RGSL1: variants seen among roughly 807,000 people sequenced by gnomAD.
RGSL1 encodes the protein regulator of G protein signaling like 1, also known as regulator of G protein signaling protein-like.
Under a neutral mutation model 124.7 loss-of-function variants are expected in RGSL1, and 97 were observed. The observed-to-expected ratio is 0.78, with a 90% CI of 0.66 to 0.92. The LOEUF is 0.92. Ranked by LOEUF, RGSL1 falls within the 40% of genes least tolerant of loss-of-function variation. The pLI, the probability that RGSL1 is intolerant of heterozygous loss-of-function variation, is 0.00. For missense variants in RGSL1, 1,233 were observed against 1,288.4 expected (o/e 0.96, Z 0.66); for synonymous variants, 424 against 438.1 (o/e 0.97, Z 0.40).
intron 9 of RGSL1, among the ~76,000 whole-genome samples, chr1:182,500,004 G>A (rs546574810): frequency 5.9e-5 from 9 of 152,220 alleles, no homozygotes; most frequent in Non-Finnish European, 8.8e-5. Context: ...ATGCACAAAA[G>A]TTTTCAATTT....
Position 182,486,457 on chromosome 1 carries a change from C to T in RGSL1, c.1432-1828C>T, listed in dbSNP as rs986693584. On this transcript the variant is annotated intron_variant, in intron 6 of 21. Transcript: ENST00000294854. ...CCCCAGTAGCTAATTTGTGGTACTC[C>T]CTGTGGGTGGCATGCGCCTCCCATA... is the stretch of plus-strand genomic sequence containing the variant. Among the ~76,000 whole-genome samples, 4 of 151,686 alleles carry T rather than the reference C, an allele frequency of 2.6e-5. No homozygotes were observed. In the East Asian group the frequency reaches 7.8e-4, roughly 30 times the overall value.
Position 182,473,697 on chromosome 1 carries a change from A to G in RGSL1, c.586A>G (p.Thr196Ala), listed in dbSNP as rs1558260808. 1 of 1,551,508 alleles carries G rather than the reference A, an allele frequency of 6.4e-7. No homozygotes were observed. The highest frequency in any genetic ancestry group is 2.4e-5 in the East Asian group (1 of 40,818). The stretch of plus-strand genomic sequence containing the variant: ...GAGCTATTGGCTTCCCAACTTTTAC[A>G]CCCACACCAAGATGACCATGGCCAA... Reference protein sequence around the residue: ...LQSYWLPNFYTHTKMTMAKEE... With the variant: ...LQSYWLPNFYAHTKMTMAKEE... Residue 196 changes from threonine (T) to alanine (A), a missense_variant, in exon 6 of 22, where the codon ACC becomes GCC. Thr to Ala is a moderately conservative substitution (Grantham distance 58, BLOSUM62 0). Transcript: ENST00000294854.
intron 15 of RGSL1, among the ~76,000 whole-genome samples, chr1:182,546,550 C>T (rs150508914): frequency 8.2e-4 from 125 of 152,168 alleles, no homozygotes; most frequent in African/African-American, 2.7e-3. Context: ...CATGCCACCA[C>T]GCCCAGCTAA....
chr1:182,518,080 C>T (rs538445505), intron 9 of RGSL1, among the ~76,000 whole-genome samples: 1 of 152,206 alleles, frequency 6.6e-6, no homozygotes, highest in South Asian at 2.1e-4. Context: ...TGCTCTGTCA[C>T]CCAGACTAGA....
chr1:182,450,688 T>C (rs1356156619), intron 1 of RGSL1: 1 of 177,854 alleles, frequency 5.6e-6, no homozygotes, highest in Non-Finnish European at 1.2e-5. Flanking sequence ...AGCCCTAGCA[T>C]AGTCAGGCCC....
chr1:182,458,451 T>G (rs1413457502), intron 3 of RGSL1, 58 bp downstream of exon 3: 1 of 1,347,292 alleles, frequency 7.4e-7, no homozygotes, highest in Non-Finnish European at 1.0e-6. Flanking sequence ...GAACTATAAT[T>G]GTTTTTTGTT....
rs1449531285 is a variant in RGSL1 at position 182,530,140 on chromosome 1, G to A, written c.2126-104G>A. On this transcript the variant is annotated intron_variant, in intron 11 of 21. Transcript: ENST00000294854. ...TCAGAGTCTAGCCAGATTGAAAATG[G>A]GGGCTGTGAGACTCTAAGATAAAAA... The A allele has an allele frequency of 9.5e-6, 7 of 733,876 alleles. No individual in the cohort carries two copies. The African/African-American group carries it at 1.3e-4, about 13-fold the overall frequency. The allele number at this position is 733,876 out of a possible 1,614,324, so 45.5% of individuals were successfully genotyped here.
chr1:182,551,056 C>T, intron 17 of RGSL1, 44 bp from the exon 18 acceptor site: 1 of 1,363,998 alleles, frequency 7.3e-7, no homozygotes. Context: ...CAGCCCCCTC[C>T]ACTGGGGGTT....
rs192461912 is a variant in RGSL1, at chr1:182,493,690, T to C, written c.1825+561T>C. 4.0e-3 allele frequency among the ~76,000 whole-genome samples: 609 copies of C among 152,326 alleles called. 2 individuals are homozygous for C. The highest frequency in any genetic ancestry group is 7.0e-3 in the Non-Finnish European group (473 of 68,020). On this transcript the variant is annotated intron_variant, in intron 9 of 21. Coordinates refer to ENST00000294854, the MANE Select transcript of RGSL1 (RefSeq NM_001137669.2). ...GATCCACGGGAGATGTGAATGCCCC[T>C]GTGAAGGATATAACCTAGGGTTTAT...
chr1:182,485,955 T>C (rs1655065377), intron 6 of RGSL1, among the ~76,000 whole-genome samples: 1 of 152,204 alleles, frequency 6.6e-6, no homozygotes. Flanking sequence ...AACTACATAG[T>C]TGAGTACTTG....
intron 6 of RGSL1, among the ~76,000 whole-genome samples, chr1:182,484,939 C>G (rs1363790966): frequency 1.3e-5 from 2 of 152,124 alleles, no homozygotes; most frequent in Non-Finnish European, 2.9e-5. Flanking sequence ...CTGCTTGCCC[C>G]TGGAGCAAGA....
intron 4 of RGSL1, among the ~76,000 whole-genome samples, chr1:182,462,086 A>T (rs183596026): frequency 2.0e-4 from 31 of 152,234 alleles, no homozygotes; most frequent in Non-Finnish European, 4.0e-4. Context: ...AATGCCAAAG[A>T]CAGAGAGAGA....
chr1:182,555,632 T>G, intron 20 of RGSL1: 1 of 202,228 alleles, frequency 4.9e-6, no homozygotes, highest in Non-Finnish European at 1.0e-5. Context: ...TGCCAAAGAG[T>G]TATTTGAAGG....
chr1:182,472,153 GT>G, intron 4 of RGSL1, among the ~76,000 whole-genome samples: 1 of 151,986 alleles, frequency 6.6e-6, no homozygotes, highest in Non-Finnish European at 1.5e-5. Flanking sequence ...TCCAGTGATG[GT>G]TTTTCTAACA....
intron 14 of RGSL1, among the ~76,000 whole-genome samples, chr1:182,537,590 G>A (rs1236440457): frequency 6.6e-6 from 1 of 152,180 alleles, no homozygotes; most frequent in Non-Finnish European, 1.5e-5. Context: ...CTCGAAAACA[G>A]TTTTATTCTT....
At chr1:182,535,927 A>G (rs1659506431) in intron 14 of RGSL1, among the ~76,000 whole-genome samples, 1 of 152,122 alleles carries the variant, frequency 6.6e-6, no homozygotes, top group South Asian at 2.1e-4. Flanking sequence ...CTTTTTAATC[A>G]ACACCCTCCC....
chr1:182,530,959 C>T (rs1200588801), intron 13 of RGSL1, 49 bp downstream of exon 13: 10 of 1,522,712 alleles, frequency 6.6e-6, no homozygotes, highest in East Asian at 5.0e-5. Flanking sequence ...AGAAAACCAT[C>T]GTCTTGGGGG....
intron 5 of RGSL1, among the ~76,000 whole-genome samples, chr1:182,472,841 T>C (rs576394220): frequency 6.6e-6 from 1 of 152,310 alleles, no homozygotes; most frequent in South Asian, 2.1e-4. Flanking sequence ...CCTGTAACAT[T>C]TAAGTCTATG....
chr1:182,515,554 G>A (rs1197880104), intron 9 of RGSL1, among the ~76,000 whole-genome samples: 12 of 12,322 alleles, frequency 9.7e-4, no homozygotes, highest in South Asian at 1.6e-3. Flanking sequence ...AAAAAAAAAA[G>A]GGGGGGGCGG....
Sources: allele counts gnomAD v4.1 joint callset (sites outside exome capture counted in the v4.1 genomes callset), GRCh38; gene constraint gnomAD v4.1.1; transcripts MANE v1.5; gene names NCBI Gene and HGNC (gene_info 2026-07-23, HGNC 2026-07-21).